The following CNOT6 variants were observed in gnomAD, a reference collection of about 807,000 sequenced individuals.
CNOT6 encodes carbon catabolite repression 4 protein.
Under a neutral mutation model 61.2 loss-of-function variants are expected in CNOT6, and 12 were observed. The ratio of observed to expected loss-of-function variants is 0.20; its 90% CI spans 0.13 to 0.32. The LOEUF (loss-of-function observed/expected upper bound fraction) is 0.32, where lower values mean the gene tolerates loss of function less well. Ranked by LOEUF, CNOT6 falls within the 10% of genes least tolerant of loss-of-function variation. CNOT6 has a pLI of 1.00. For synonymous variants in CNOT6, 225 were observed against 240.6 expected, an observed-to-expected ratio of 0.94 and a Z score of 0.60; for missense variants, 405 against 663.9, an observed-to-expected ratio of 0.61 and a Z score of 4.28.
intron 4 of CNOT6, among the ~76,000 whole-genome samples, chr5:180,561,726 C>T (rs988618240): frequency 3.9e-5 from 6 of 152,172 alleles, no homozygotes; most frequent in Middle Eastern, 3.2e-3. Flanking sequence ...GGGGGCTCCT[C>T]GTTGCTTCTG....
chr5:180,537,804 CTTTT>C (rs11407875), intron 2 of CNOT6, among the ~76,000 whole-genome samples: 1 of 141,940 alleles, frequency 7.0e-6, no homozygotes. Flanking sequence ...CTTTCTCTCT[CTTTT>C]TTTTTTTTTT....
At chr5:180,532,315 A>G (rs953740511) in intron 2 of CNOT6, among the ~76,000 whole-genome samples, 2 of 152,134 alleles carry the variant, frequency 1.3e-5, no homozygotes, top group Non-Finnish European at 2.9e-5. Context: ...CCTATCTTAC[A>G]GCATTAGGAT....
chr5:180,562,165 G>A (rs13190607), intron 4 of CNOT6, among the ~76,000 whole-genome samples: 70,789 of 151,904 alleles, frequency 0.47, 17,518 homozygotes, highest in Non-Finnish European at 0.56. Flanking sequence ...TCCCTGTGCC[G>A]TTCGTCAGGT....
At position 180,577,667 on chromosome 5, in the gene CNOT6, C is replaced by G. The variant is rs1180045875; in HGVS notation, c.*3467C>G. On this transcript the variant is annotated 3_prime_UTR_variant, in exon 12 of 12. Coordinates refer to ENST00000261951, the MANE Select transcript of CNOT6 (RefSeq NM_001370472.1). Reference sequence around the variant, plus strand: ...AAGTATCTAGTCTTTATTCACAGTACATTATATTGTGTGATGCACTGGACT... The same window carrying G: ...AAGTATCTAGTCTTTATTCACAGTAGATTATATTGTGTGATGCACTGGACT... 6.6e-6 allele frequency: 1 copy of G among 152,612 alleles called. No homozygotes were observed. The highest frequency in any genetic ancestry group is 1.5e-5 in the Non-Finnish European group (1 of 68,030). The allele number at this position is 152,612 out of a possible 1,614,324, so 9.5% of individuals were successfully genotyped here.
At chr5:180,519,910 C>A (rs1047529136) in intron 1 of CNOT6, among the ~76,000 whole-genome samples, 3 of 151,460 alleles carry the variant, frequency 2.0e-5, no homozygotes, top group Non-Finnish European at 4.4e-5. Flanking sequence ...CTCTGCTCAC[C>A]ACAACCTCTG....
intron 1 of CNOT6, among the ~76,000 whole-genome samples, chr5:180,524,309 G>T (rs1334161606): frequency 6.6e-6 from 1 of 152,176 alleles, no homozygotes; most frequent in East Asian, 1.9e-4. Context: ...CCTTGGGAAA[G>T]ATCCTAAACT....
At chr5:180,525,763 G>A (rs933969427) in intron 1 of CNOT6, among the ~76,000 whole-genome samples, 3 of 152,002 alleles carry the variant, frequency 2.0e-5, no homozygotes, top group Admixed American at 1.3e-4. Flanking sequence ...TAAATCTAAA[G>A]AGTTAGGAGG....
chr5:180,550,012 G>T lies in CNOT6; in HGVS notation c.194G>T (p.Arg65Leu), dbSNP rs773441129. 2 of 1,613,956 alleles carry T rather than the reference G, an allele frequency of 1.2e-6. No homozygotes were observed. Among genetic ancestry groups the T allele is most frequent in the Admixed American group, 3.3e-5 (2 of 59,998 alleles). ...ALHLSDNSLSRIPSDIAKLHN... is the reference protein window; with the variant it reads ...ALHLSDNSLSLIPSDIAKLHN... ...CATTTGAGTGACAATTCCCTGTCCC[G>T]AATTCCTTCAGACATTGCCAAGCTT... The change falls in exon 3 of 12, where the codon CGA (arginine) becomes CTA (leucine). Residue 65 changes from arginine to leucine, a missense_variant. By Grantham distance (102) the Arg-to-Leu change is moderately radical. Around this residue, in one of 5 missense-constraint regions of CNOT6, gnomAD observed 212 missense variants for 307.1 expected, o/e 0.69. Coordinates refer to ENST00000261951, the MANE Select transcript of CNOT6 (RefSeq NM_001370472.1).
intron 1 of CNOT6, among the ~76,000 whole-genome samples, chr5:180,516,584 A>T (rs11249716): frequency 0.46 from 70,000 of 152,078 alleles, 17,273 homozygotes; most frequent in Non-Finnish European, 0.56. Flanking sequence ...ATAAATAGTT[A>T]AACGTCTGAG....
At chr5:180,498,129 T>A (rs1287839038) in intron 1 of CNOT6, among the ~76,000 whole-genome samples, 1 of 151,988 alleles carries the variant, frequency 6.6e-6, no homozygotes, top group African/African-American at 2.4e-5. Context: ...GAATGTACTG[T>A]ATTTTGGTAC....
chr5:180,554,722 A>C (rs1759794450), intron 4 of CNOT6, among the ~76,000 whole-genome samples: 1 of 152,150 alleles, frequency 6.6e-6, no homozygotes, highest in Admixed American at 6.6e-5. Context: ...AATTTGAAGA[A>C]CAGAAAAGTA....
intron 1 of CNOT6, among the ~76,000 whole-genome samples, chr5:180,498,809 T>G (rs1190513152): frequency 6.6e-6 from 1 of 152,182 alleles, no homozygotes; most frequent in African/African-American, 2.4e-5. Context: ...ATCTGTTTTC[T>G]TCTTTTTTTC....
intron 1 of CNOT6, among the ~76,000 whole-genome samples, chr5:180,515,129 T>C (rs575871650): frequency 1.3e-5 from 2 of 152,054 alleles, no homozygotes; most frequent in East Asian, 1.9e-4. Flanking sequence ...GAAAGACTTA[T>C]ATTTTAGGCT....
intron 1 of CNOT6, among the ~76,000 whole-genome samples, chr5:180,521,817 A>C (rs1376755975): frequency 6.6e-6 from 1 of 152,126 alleles, no homozygotes; most frequent in Non-Finnish European, 1.5e-5. Context: ...ACGTTAATTC[A>C]CTTAGGATAA....
At chr5:180,527,195 A>G (rs891340802) in intron 1 of CNOT6, among the ~76,000 whole-genome samples, 6 of 152,200 alleles carry the variant, frequency 3.9e-5, no homozygotes, top group Admixed American at 1.3e-4. Context: ...TATTTAGTCT[A>G]TCTTCAGGTT....
intron 1 of CNOT6, among the ~76,000 whole-genome samples, chr5:180,515,102 A>G (rs1757572393): frequency 6.6e-6 from 1 of 152,036 alleles, no homozygotes; most frequent in East Asian, 1.9e-4. Flanking sequence ...TCTTTGATAA[A>G]GAGATTAGCA....
In CNOT6 at chr5:180,571,172, T is replaced by C. The variant is rs1760728010; in HGVS notation, c.1259-58T>C. On this transcript the variant is annotated intron_variant, in intron 10 of 11. Transcript: ENST00000261951. ...TTTAAAACTTCTTACTATTGCATGATCTTTTAAAATTACTTTTTGTATATA... is the reference window on the plus strand; with the variant it reads ...TTTAAAACTTCTTACTATTGCATGACCTTTTAAAATTACTTTTTGTATATA... 4.2e-6 allele frequency: 5 copies of C among 1,203,572 alleles called. No individual in the cohort carries two copies. In the South Asian group the frequency reaches 5.4e-5, roughly 13 times the overall value. 74.6% of individuals were successfully genotyped at this position (1,203,572 alleles called of 1,614,324 possible). A position where few individuals can be genotyped will look rare whatever the true frequency, so the allele number is the denominator to read the frequency against.
intron 10 of CNOT6, 48 bp downstream of exon 10, chr5:180,569,388 G>A (rs1473923269): frequency 7.3e-7 from 1 of 1,376,542 alleles, no homozygotes; most frequent in Non-Finnish European, 1.0e-6. Flanking sequence ...GACATAAGAT[G>A]ATTTAGTAAT....
chr5:180,549,901 A>G (rs1247393274), intron 2 of CNOT6, 30 bp from the exon 3 acceptor site: 1 of 1,523,668 alleles, frequency 6.6e-7, no homozygotes, highest in African/African-American at 1.4e-5. Context: ...AAAACTATAT[A>G]ATCCGTTCCT....
Sources: allele counts gnomAD v4.1 joint callset (sites outside exome capture counted in the v4.1 genomes callset), GRCh38; gene constraint gnomAD v4.1.1; regional missense constraint gnomAD v4.1.1; transcripts MANE v1.5; gene names NCBI Gene and HGNC (gene_info 2026-07-23, HGNC 2026-07-21).